ZNF90: variants seen among roughly 807,000 people sequenced by gnomAD.
ZNF90 encodes zinc finger protein 90.
ZNF90 carries 11 observed loss-of-function variants against 12.0 expected under a neutral mutation model. The ratio of observed to expected loss-of-function variants is 0.92; its 90% CI spans 0.58 to 1.52. ZNF90 has a LOEUF of 1.52. ZNF90 is among the 40% of genes most tolerant of loss of function. The pLI is 0.00. For missense variants in ZNF90, 765 were observed against 711.5 expected (o/e 1.08, Z -0.86); for synonymous variants, 232 against 240.1 (o/e 0.97, Z 0.31).
chr19:20,093,053 AAG>A (rs2088915031), intron 1 of ZNF90, among the ~76,000 whole-genome samples: 1 of 152,210 alleles, frequency 6.6e-6, no homozygotes. Flanking sequence ...GGTGAAAGCA[AAG>A]AGAGGCTGGG....
At chr19:20,103,879 A>C (rs573005533) in intron 1 of ZNF90, among the ~76,000 whole-genome samples, 1 of 152,122 alleles carries the variant, frequency 6.6e-6, no homozygotes, top group Non-Finnish European at 1.5e-5. Context: ...TTAAAATTTG[A>C]GAGGTGCCTT....
At chr19:20,101,265 C>T (rs2088987854) in intron 1 of ZNF90, among the ~76,000 whole-genome samples, 2 of 152,226 alleles carry the variant, frequency 1.3e-5, no homozygotes, top group South Asian at 2.1e-4. Context: ...CTGGGTTCCA[C>T]GGTTCTCTTC....
intron 1 of ZNF90, among the ~76,000 whole-genome samples, chr19:20,081,301 G>A (rs1388408397): frequency 6.6e-6 from 1 of 151,992 alleles, no homozygotes; most frequent in Non-Finnish European, 1.5e-5. Context: ...CGATTCTTCT[G>A]CCTCAGCCTC....
At chr19:20,105,120 T>G in intron 2 of ZNF90, 101 bp from the exon 3 acceptor site, 1 of 761,212 alleles carries the variant, frequency 1.3e-6, no homozygotes, top group East Asian at 3.7e-5. Context: ...TATTTTGGAA[T>G]TTACTAGACT....
chr19:20,113,485 C>T (rs184789746), intron 3 of ZNF90, among the ~76,000 whole-genome samples: 50 of 152,020 alleles, frequency 3.3e-4, no homozygotes, highest in East Asian at 1.8e-3. Flanking sequence ...AGCCACCGCA[C>T]GCAGCTTGTA....
chr19:20,108,945 G>A (rs781786225), intron 3 of ZNF90, among the ~76,000 whole-genome samples: 1 of 151,494 alleles, frequency 6.6e-6, no homozygotes, highest in Admixed American at 6.6e-5. Context: ...GGCTGGTCTC[G>A]AGCTCCTGAC....
chr19:20,109,834 C>A (rs1183410294), intron 3 of ZNF90, among the ~76,000 whole-genome samples: 1 of 151,686 alleles, frequency 6.6e-6, no homozygotes, highest in East Asian at 1.9e-4. Context: ...GAGTGAGACT[C>A]TGTCTCCAAA....
At position 20,086,483 on chromosome 19, in the gene ZNF90, G is replaced by A. The variant is rs534439776; in HGVS notation, c.3+8348G>A. ...ATCCTTGACCTCAGGTGATCCACCC[G>A]CCTCAGCCTCCTAAAGTGCTGGGAT... On this transcript the variant is annotated intron_variant, in intron 1 of 3. Coordinates refer to ENST00000418063, the MANE Select transcript of ZNF90 (RefSeq NM_007138.2). Among the ~76,000 whole-genome samples the A allele has an allele frequency of 7.9e-5, 12 of 151,862 alleles. No individual in the cohort carries two copies. In the South Asian group the frequency reaches 8.3e-4, roughly 11 times the overall value.
chr19:20,116,763 T>A (rs1373522047), intron 3 of ZNF90, among the ~76,000 whole-genome samples: 2 of 152,166 alleles, frequency 1.3e-5, no homozygotes, highest in African/African-American at 2.4e-5. Context: ...TTATTTTTTT[T>A]AATAATCAGT....
In ZNF90 at chr19:20,120,633, CAG is replaced by C. The variant is rs1176363779; in HGVS notation, c.*1277_*1278del. On this transcript the variant is annotated 3_prime_UTR_variant, in exon 4 of 4. Coordinates refer to ENST00000418063, the MANE Select transcript of ZNF90 (RefSeq NM_007138.2). ...TTCAAAATGAATTCCATGTAAATAT[CAG>C]AGAATTTACAGTAGAATAAGGCACT... Among the ~76,000 whole-genome samples the C allele has an allele frequency of 9.2e-5, 14 of 151,998 alleles. No homozygotes were observed. Among genetic ancestry groups the C allele is most frequent in the South Asian group, 6.2e-4 (3 of 4,806 alleles).
intron 1 of ZNF90, among the ~76,000 whole-genome samples, chr19:20,090,597 C>G (rs142518038): frequency 0.015 from 2,259 of 152,274 alleles, 51 homozygotes; most frequent in African/African-American, 0.052. Context: ...TTCTTAACAA[C>G]AACTGATCGT....
At chr19:20,105,128 A>G in intron 2 of ZNF90, 93 bp from the exon 3 acceptor site, 2 of 854,338 alleles carry the variant, frequency 2.3e-6, no homozygotes, top group Non-Finnish European at 3.3e-6. Flanking sequence ...AATTTACTAG[A>G]CTATTTTATC....
In ZNF90 at chr19:20,115,684, AGTTT is replaced by A. The variant is rs547712790; in HGVS notation, c.227-2089_227-2086del. On this transcript the variant is annotated intron_variant, in intron 3 of 3. Transcript: ENST00000418063. ...TTATAAGTATCTTTATGTGTATCCT[AGTTT>A]GTTTGTTCAGCTTTTTTATGTTTAC... Among the ~76,000 whole-genome samples, 761 of 151,756 alleles carry A rather than the reference AGTTT, an allele frequency of 5.0e-3. 2 individuals are homozygous for A. Among genetic ancestry groups the A allele is most frequent in the Middle Eastern group, 6.8e-3 (2 of 294 alleles).
chr19:20,089,781 A>C (rs1159094011), intron 1 of ZNF90, among the ~76,000 whole-genome samples: 1 of 152,052 alleles, frequency 6.6e-6, no homozygotes, highest in African/African-American at 2.4e-5. Flanking sequence ...AGGTGTAGGG[A>C]GACGGGGGGT....
intron 3 of ZNF90, among the ~76,000 whole-genome samples, chr19:20,105,768 T>C (rs1299315357): frequency 6.6e-6 from 1 of 152,214 alleles, no homozygotes; most frequent in African/African-American, 2.4e-5. Flanking sequence ...TATTACTATA[T>C]AGTCTTAAAA....
chr19:20,091,285 G>A (rs1026796305), intron 1 of ZNF90, among the ~76,000 whole-genome samples: 1 of 152,138 alleles, frequency 6.6e-6, no homozygotes, highest in African/African-American at 2.4e-5. Flanking sequence ...TAGTAGAATA[G>A]CAGATGGAAC....
At chr19:20,112,304 T>C (rs1725932) in intron 3 of ZNF90, among the ~76,000 whole-genome samples, 52,558 of 149,934 alleles carry the variant, frequency 0.35, 13,286 homozygotes, top group African/African-American at 0.71. Flanking sequence ...CAGTGGGCAC[T>C]ATTGCACCTG....
intron 1 of ZNF90, among the ~76,000 whole-genome samples, chr19:20,100,953 GA>G (rs1161189548): frequency 9.2e-5 from 14 of 152,234 alleles, no homozygotes; most frequent in African/African-American, 3.4e-4. Flanking sequence ...TTTGAGTCGG[GA>G]GTGCACAACC....
chr19:20,108,080 C>T (rs933920858), intron 3 of ZNF90, among the ~76,000 whole-genome samples: 1 of 152,064 alleles, frequency 6.6e-6, no homozygotes, highest in African/African-American at 2.4e-5. Context: ...AGTTGGATTA[C>T]AGCAGTTGCG....
Sources: allele counts gnomAD v4.1 joint callset (sites outside exome capture counted in the v4.1 genomes callset), GRCh38; gene constraint gnomAD v4.1.1; transcripts MANE v1.5; gene names NCBI Gene and HGNC (gene_info 2026-07-23, HGNC 2026-07-21).